The following PPIP5K2 variants were observed in gnomAD, a reference collection of about 807,000 sequenced individuals.
The protein encoded by PPIP5K2 is inositol hexakisphosphate and diphosphoinositol-pentakisphosphate kinase 2.
Under a neutral mutation model 154.6 loss-of-function variants are expected in PPIP5K2, and 105 were observed. The observed-to-expected ratio is 0.68, with a 90% CI of 0.58 to 0.80. PPIP5K2 has a LOEUF of 0.80. Among genes scored for constraint, PPIP5K2 ranks in the 30% least tolerant of loss-of-function variants. PPIP5K2 has a pLI of 0.00. For missense variants in PPIP5K2, 992 were observed against 1,504.6 expected (o/e 0.66, Z 5.64); for synonymous variants, 480 against 490.3 (o/e 0.98, Z 0.28).
At position 103,163,259 on chromosome 5, in the gene PPIP5K2, T is replaced by TCTTTCAATAATA. The variant is rs199915562; in HGVS notation, c.1921-3920_1921-3919insCTTTCAATAATA. ...GTAGTGTAGCTCATTTATTTAGATA[T>TCTTTCAATAATA]TCTTTAATATCTTTCAATAATGTTT... On this transcript the variant is annotated intron_variant, in intron 17 of 30. Coordinates refer to ENST00000358359, the MANE Select transcript of PPIP5K2 (RefSeq NM_001276277.3). 8.7e-3 allele frequency among the ~76,000 whole-genome samples: 1,325 copies of TCTTTCAATAATA among 152,088 alleles called. 8 individuals carry two copies. The highest frequency in any genetic ancestry group is 0.013 in the Non-Finnish European group (855 of 67,960).
chr5:103,138,437 C>A lies in PPIP5K2; in HGVS notation c.455C>A (p.Ala152Asp). 1 of 1,606,870 alleles carries A rather than the reference C, an allele frequency of 6.2e-7. No homozygotes were observed. The highest frequency in any genetic ancestry group is 8.5e-7 in the Non-Finnish European group (1 of 1,174,632). The change falls in exon 5 of 31, where the codon GCT becomes GAT. Residue 152 changes from alanine to aspartate, a missense_variant. Ala to Asp is a moderately radical substitution (Grantham distance 126, BLOSUM62 -2). Coordinates refer to ENST00000358359, the MANE Select transcript of PPIP5K2 (RefSeq NM_001276277.3). ...QAEGILLPRY[A>D]ILNRDPNNPK... ...GAAGGTATTTTACTTCCTCGTTATGCTATTTTGAACCGTGACCCAAATAAT... is the reference window on the plus strand; with the variant it reads ...GAAGGTATTTTACTTCCTCGTTATGATATTTTGAACCGTGACCCAAATAAT...
At chr5:103,200,229 A>G (rs1802762181) in intron 30 of PPIP5K2, among the ~76,000 whole-genome samples, 1 of 152,140 alleles carries the variant, frequency 6.6e-6, no homozygotes, top group South Asian at 2.1e-4. Flanking sequence ...ACATTTGACC[A>G]TCATTTACAA....
intron 18 of PPIP5K2, among the ~76,000 whole-genome samples, 156 bp from the exon 19 acceptor site, chr5:103,167,916 A>T (rs975534439): frequency 2.6e-5 from 4 of 151,884 alleles, no homozygotes; most frequent in Non-Finnish European, 5.9e-5. Context: ...AGTCTAAAAG[A>T]TATATGGTTG....
intron 2 of PPIP5K2, among the ~76,000 whole-genome samples, chr5:103,130,307 A>G (rs1790408333): frequency 6.6e-6 from 1 of 152,166 alleles, no homozygotes; most frequent in Non-Finnish European, 1.5e-5. Context: ...TCATTTTGCT[A>G]TAGTTACATT....
intron 13 of PPIP5K2, 38 bp from the exon 14 acceptor site, chr5:103,155,871 C>T: frequency 7.6e-7 from 1 of 1,321,956 alleles, no homozygotes; most frequent in Non-Finnish European, 1.1e-6. Flanking sequence ...TTAGTTTTTC[C>T]CTACATGTTC....
chr5:103,120,382 T>G lies in PPIP5K2; in HGVS notation c.-391T>G, dbSNP rs1788441059. The stretch of plus-strand genomic sequence containing the variant: ...TACGTCCACGCCTACAACTGAAGTC[T>G]CTTGACAAACACCTCACCCCTGCCT... On this transcript the variant is annotated 5_prime_UTR_variant, in exon 1 of 31. Transcript: ENST00000358359. 2.2e-6 allele frequency: 1 copy of G among 456,418 alleles called. No individual in the cohort carries two copies. Among genetic ancestry groups the G allele is most frequent in the South Asian group, 1.5e-5 (1 of 64,556 alleles). 28.3% of individuals were successfully genotyped at this position (456,418 alleles called of 1,614,324 possible). A position where few individuals can be genotyped will look rare whatever the true frequency, so the allele number is the denominator to read the frequency against.
At chr5:103,150,128 G>A (rs890005712) in intron 8 of PPIP5K2, among the ~76,000 whole-genome samples, 5 of 151,972 alleles carry the variant, frequency 3.3e-5, no homozygotes, top group Non-Finnish European at 7.4e-5. Flanking sequence ...CTTTAATGAA[G>A]GATAAAAATT....
At chr5:103,176,828 C>A in intron 21 of PPIP5K2, 1 of 1,225,450 alleles carries the variant, frequency 8.2e-7, no homozygotes, top group Non-Finnish European at 1.1e-6. Flanking sequence ...CTCTAAGATC[C>A]TTTTCAGTTC....
rs568596449 is a variant in PPIP5K2 at position 103,160,203 on chromosome 5, A to T, written c.1920+875A>T. Among the ~76,000 whole-genome samples the T allele has an allele frequency of 3.7e-4, 56 of 152,304 alleles. No homozygotes were observed. The South Asian group carries it at 5.8e-3, about 16-fold the overall frequency. ...GACAGGTTGATTCCAGATCTTATCT[A>T]TTGTGAACAGTGTTACAATAAAAAT... On this transcript the variant is annotated intron_variant, in intron 17 of 30. Transcript: ENST00000358359.
intron 2 of PPIP5K2, among the ~76,000 whole-genome samples, chr5:103,132,628 T>C (rs551850272): frequency 2.0e-5 from 3 of 152,284 alleles, no homozygotes; most frequent in Admixed American, 6.5e-5. Context: ...AAAAGCACTT[T>C]CAAGCCTAGA....
chr5:103,141,201 T>G (rs1792569316), intron 5 of PPIP5K2, among the ~76,000 whole-genome samples: 2 of 152,134 alleles, frequency 1.3e-5, no homozygotes, highest in Non-Finnish European at 2.9e-5. Context: ...TCTCACTAAT[T>G]TCAAGAATGA....
At chr5:103,141,107 G>C (rs1792546945) in intron 5 of PPIP5K2, among the ~76,000 whole-genome samples, 1 of 152,288 alleles carries the variant, frequency 6.6e-6, no homozygotes, top group South Asian at 2.1e-4. Flanking sequence ...GCCGAGGTGG[G>C]TGGATCACGA....
At position 103,152,716 on chromosome 5, in the gene PPIP5K2, A is replaced by G; in HGVS notation, c.1097A>G (p.Asp366Gly). 1 of 1,590,122 alleles carries G rather than the reference A, an allele frequency of 6.3e-7. No homozygotes were observed. The highest frequency in any genetic ancestry group is 8.6e-7 in the Non-Finnish European group (1 of 1,158,830). ...TGGTCAATACCCTTAGAAGCTGAAG[A>G]TATCCCAATTGTACCAACTACATCT... The part of the protein sequence containing the change: ...IPWSIPLEAE[D>G]IPIVPTTSGT... Residue 366 changes from aspartate (D) to glycine (G), a missense_variant, in exon 10 of 31, where the codon GAT becomes GGT. Coordinates refer to ENST00000358359, the MANE Select transcript of PPIP5K2 (RefSeq NM_001276277.3).
rs1454219747 is a variant in PPIP5K2, at chr5:103,210,790, A to C, written c.*9156A>C. On this transcript the variant is annotated 3_prime_UTR_variant, in exon 31 of 31. Coordinates refer to ENST00000358359, the MANE Select transcript of PPIP5K2 (RefSeq NM_001276277.3). ...TATAATAACAATTTTGAGAATTATC[A>C]GCATGAGACAATTTATTTGCATAAT... The C allele has an allele frequency of 6.6e-6, 1 of 152,170 alleles. No individual in the cohort carries two copies. Among genetic ancestry groups the C allele is most frequent in the Non-Finnish European group, 1.5e-5 (1 of 67,998 alleles). 9.4% of individuals were successfully genotyped at this position (152,170 alleles called of 1,614,324 possible). A position where few individuals can be genotyped will look rare whatever the true frequency, so the allele number is the denominator to read the frequency against.
intron 19 of PPIP5K2, among the ~76,000 whole-genome samples, chr5:103,170,112 C>G (rs781825602): frequency 3.3e-5 from 5 of 151,630 alleles, no homozygotes; most frequent in Admixed American, 1.3e-4. Context: ...AAAGAAAACT[C>G]AAGTGTTAAC....
At chr5:103,188,594 C>T (rs1453323705) in intron 28 of PPIP5K2, 3 of 152,090 alleles carry the variant, frequency 2.0e-5, no homozygotes, top group Non-Finnish European at 4.4e-5. Flanking sequence ...GATACAGCTG[C>T]AGCTTCTAAA....
chr5:103,209,687 C>G lies in PPIP5K2; in HGVS notation c.*8053C>G, dbSNP rs74323163. 1.7e-3 allele frequency: 265 copies of G among 151,884 alleles called. No homozygotes were observed. The highest frequency in any genetic ancestry group is 6.1e-3 in the African/African-American group (253 of 41,410). The allele number at this position is 151,884 out of a possible 1,614,324, so 9.4% of individuals were successfully genotyped here. A position where few individuals can be genotyped will look rare whatever the true frequency, so the allele number is the denominator to read the frequency against. ...AAAGTTTTTTGCTGCTTTTAAAAGC[C>G]ATAGATTTGTCTTAAGTTAGTCAAT... On this transcript the variant is annotated 3_prime_UTR_variant, in exon 31 of 31. Transcript: ENST00000358359.
rs372764290 is a variant in PPIP5K2 at position 103,158,321 on chromosome 5, T to G, written c.1615+8T>G. The G allele has an allele frequency of 1.9e-5, 30 of 1,604,502 alleles. No individual in the cohort carries two copies. Among genetic ancestry groups the G allele is most frequent in the Non-Finnish European group, 2.5e-5 (30 of 1,177,488 alleles). On this transcript the variant is annotated splice_region_variant and intron_variant, in intron 15 of 30. Transcript: ENST00000358359. Reference sequence around the variant, plus strand: ...TGTATCCTGGAGGTCAAGGTAAATCTTAGAGTTTTCTTTAATTTGACTAAT... The same window carrying G: ...TGTATCCTGGAGGTCAAGGTAAATCGTAGAGTTTTCTTTAATTTGACTAAT...
chr5:103,186,639 A>G (rs2149781346), intron 27 of PPIP5K2, among the ~76,000 whole-genome samples, 200 bp downstream of exon 27: 1 of 152,348 alleles, frequency 6.6e-6, no homozygotes, highest in Middle Eastern at 3.4e-3. Flanking sequence ...AGTTAGATTT[A>G]CAGTACTTGT....
Sources: gnomAD v4.1 joint callset for allele counts (sites outside exome capture counted in the v4.1 genomes callset) on GRCh38, gnomAD v4.1.1 for gene constraint, MANE v1.5 for transcripts, NCBI Gene and HGNC (gene_info 2026-07-23, HGNC 2026-07-21) for gene names.